The following SLC35B2 variants were observed in gnomAD, a reference collection of about 807,000 sequenced individuals.
SLC35B2 encodes the protein solute carrier family 35 member B2.
SLC35B2 carries 19 observed loss-of-function variants against 37.9 expected under a neutral mutation model. The observed-to-expected ratio is 0.50, with a 90% CI of 0.35 to 0.74. The LOEUF is 0.74. Among genes scored for constraint, SLC35B2 ranks in the 30% least tolerant of loss-of-function variants. The pLI is 0.01. For missense variants in SLC35B2, 633 were observed against 547.6 expected, an observed-to-expected ratio of 1.16 and a Z score of -1.56; for synonymous variants, 277 against 225.2, an observed-to-expected ratio of 1.23 and a Z score of -2.06.
intron 1 of SLC35B2, 90 bp downstream of exon 1, chr6:44,257,310 C>A: frequency 7.8e-7 from 1 of 1,285,196 alleles, no homozygotes; most frequent in Non-Finnish European, 1.0e-6. Flanking sequence ...GCCGAGCAGC[C>A]GGGACCCCAC....
Position 44,257,433 on chromosome 6 carries a change from G to A in SLC35B2, c.-23C>T. 1 of 1,254,428 alleles carries A rather than the reference G, an allele frequency of 8.0e-7. No individual in the cohort carries two copies. Among genetic ancestry groups the A allele is most frequent in the South Asian group, 3.6e-5 (1 of 27,452 alleles). The allele number at this position is 1,254,428 out of a possible 1,614,324, so 77.7% of individuals were successfully genotyped here. A position where few individuals can be genotyped will look rare whatever the true frequency, so the allele number is the denominator to read the frequency against. On this transcript the variant is annotated 5_prime_UTR_variant, in exon 1 of 4. Coordinates refer to ENST00000393812, the MANE Select transcript of SLC35B2 (RefSeq NM_178148.4). ...CATGGTCCAGGCCGCGTGGGGTGGA[G>A]GGGGAACCGGGGAATGCGAGTCCCC...
chr6:44,257,022 T>A, intron 1 of SLC35B2, 144 bp from the exon 2 acceptor site: 1 of 913,512 alleles, frequency 1.1e-6, no homozygotes, highest in South Asian at 1.9e-5. Context: ...CCTCTCTCTC[T>A]CTCTCTCTCT....
chr6:44,257,423 G>C lies in SLC35B2; in HGVS notation c.-13C>G. Reference sequence around the variant, plus strand: ...ACCTGGCGTCCATGGTCCAGGCCGCGTGGGGTGGAGGGGGAACCGGGGAAT... The same window carrying C: ...ACCTGGCGTCCATGGTCCAGGCCGCCTGGGGTGGAGGGGGAACCGGGGAAT... On this transcript the variant is annotated 5_prime_UTR_variant, in exon 1 of 4. Coordinates refer to ENST00000393812, the MANE Select transcript of SLC35B2 (RefSeq NM_178148.4). 7.9e-7 allele frequency: 1 copy of C among 1,261,896 alleles called. No homozygotes were observed. Among genetic ancestry groups the C allele is most frequent in the Non-Finnish European group, 1.0e-6 (1 of 996,218 alleles). The allele number at this position is 1,261,896 out of a possible 1,614,324, so 78.2% of individuals were successfully genotyped here.
chr6:44,256,361 A>C lies in SLC35B2; in HGVS notation c.341T>G (p.Phe114Cys). 1 of 1,613,642 alleles carries C rather than the reference A, an allele frequency of 6.2e-7. No homozygotes were observed. Reference protein sequence around the residue: ...TPMWQALKLLFCATGLQVSYL... With the variant: ...TPMWQALKLLCCATGLQVSYL... Reference sequence around the variant, plus strand: ...ACCCACCTGGAGCCCTGTGGCACAGAAGAGCAGCTTCAGGGCCTGCCACAT... The same window carrying C: ...ACCCACCTGGAGCCCTGTGGCACAGCAGAGCAGCTTCAGGGCCTGCCACAT... The change falls in exon 3 of 4, where the codon TTC becomes TGC. Residue 114 changes from phenylalanine (F) to cysteine (C), a missense_variant. Phe to Cys is a radical substitution (Grantham distance 205). Transcript: ENST00000393812.
intron 3 of SLC35B2, 148 bp from the exon 4 acceptor site, chr6:44,255,792 C>T (rs1583001236): frequency 2.6e-6 from 2 of 761,048 alleles, no homozygotes; most frequent in East Asian, 2.7e-5. Flanking sequence ...TTCTTCTCCC[C>T]TCCTAAGTCT....
chr6:44,255,775 T>C, intron 3 of SLC35B2, 131 bp from the exon 4 acceptor site: 1 of 872,494 alleles, frequency 1.1e-6, no homozygotes, highest in Non-Finnish European at 1.7e-6. Context: ...GGTTCCTCTG[T>C]AGAAGTTTCT....
intron 3 of SLC35B2, among the ~76,000 whole-genome samples, chr6:44,255,895 T>C (rs1020792840): frequency 1.3e-5 from 2 of 150,694 alleles, no homozygotes; most frequent in Non-Finnish European, 3.0e-5. Flanking sequence ...CAACATGATA[T>C]TCAAGGTGGA....
intron 3 of SLC35B2, 21 bp downstream of exon 3, chr6:44,256,321 A>G (rs1380782219): frequency 1.9e-6 from 3 of 1,587,076 alleles, no homozygotes; most frequent in Non-Finnish European, 2.6e-6. Flanking sequence ...CCAGGAAGAG[A>G]GGCTGAGCCC....
Position 44,254,637 on chromosome 6 carries a change from C to T in SLC35B2, c.*69G>A. 6.6e-7 allele frequency: 1 copy of T among 1,509,878 alleles called. No homozygotes were observed. The highest frequency in any genetic ancestry group is 8.9e-7 in the Non-Finnish European group (1 of 1,121,130). The allele number at this position is 1,509,878 out of a possible 1,614,324, so 93.5% of individuals were successfully genotyped here. ...ATTTTGCCCTTTCAGCCAGCTCCCTCAGAGGTTACAGCAGAAGGGGATGGT... is the reference window on the plus strand; with the variant it reads ...ATTTTGCCCTTTCAGCCAGCTCCCTTAGAGGTTACAGCAGAAGGGGATGGT... On this transcript the variant is annotated 3_prime_UTR_variant, in exon 4 of 4. Transcript: ENST00000393812.
chr6:44,256,668 G>T lies in SLC35B2; in HGVS notation c.205+17C>A. ...CTTTCCCGACCTAGCTCACTTCCCC[G>T]CCCTTTCTTCACACACCGGTCTCCA... On this transcript the variant is annotated intron_variant, in intron 2 of 3. Transcript: ENST00000393812. The T allele has an allele frequency of 6.2e-7, 1 of 1,613,732 alleles. No individual in the cohort carries two copies. Among genetic ancestry groups the T allele is most frequent in the African/African-American group, 1.3e-5 (1 of 75,018 alleles).
At position 44,255,129 on chromosome 6, in the gene SLC35B2, CAG is replaced by C. The variant is rs768602464; in HGVS notation, c.874_875del (p.Leu292ValfsTer4). 3.1e-5 allele frequency: 50 copies of C among 1,614,098 alleles called. No individual in the cohort carries two copies. Among genetic ancestry groups the C allele is most frequent in the South Asian group, 3.3e-5 (3 of 91,094 alleles). On this transcript the variant is annotated frameshift_variant, in exon 4 of 4. Coordinates refer to ENST00000393812, the MANE Select transcript of SLC35B2 (RefSeq NM_178148.4). LOFTEE classifies it high-confidence loss of function. ...DSFTSNWQDA[L>X]FAYKMSSVQM... is the part of the protein sequence containing the mutation. The stretch of plus-strand genomic sequence containing the variant: ...GCACCGATGACATCTTATAGGCAAA[CAG>C]GGCATCCTGCCAGTTTGAGGTGAAG...
chr6:44,255,625 C>T lies in SLC35B2; in HGVS notation c.380G>A (p.Gly127Asp). ...GGTCATCACTCTTTCCTGCAGCACA[C>T]CCCAAGTCAGATAAGACACCTGTTG... ...TGLQVSYLTW[G>D]VLQERVMTRS... Residue 127 changes from glycine (G) to aspartate (D), a missense_variant, in exon 4 of 4, where the codon GGT becomes GAT. Physicochemically the swap from Gly to Asp is moderately conservative, Grantham distance 94 (BLOSUM62 -1). Coordinates refer to ENST00000393812, the MANE Select transcript of SLC35B2 (RefSeq NM_178148.4). The T allele has an allele frequency of 6.2e-7, 1 of 1,612,702 alleles. No individual in the cohort carries two copies. Among genetic ancestry groups the T allele is most frequent in the Non-Finnish European group, 8.5e-7 (1 of 1,179,116 alleles).
At position 44,254,753 on chromosome 6, in the gene SLC35B2, GTT is replaced by G. The variant is rs1561906587; in HGVS notation, c.1250_1251del (p.Gln417ProfsTer9). 1 of 1,613,962 alleles carries G rather than the reference GTT, an allele frequency of 6.2e-7. No homozygotes were observed. The highest frequency in any genetic ancestry group is 8.5e-7 in the Non-Finnish European group (1 of 1,179,908). ...LRVYARGRLK[Q>X]RGKKAVPVES... ...TCAACAGGCACAGCCTTCTTTCCCC[GTT>G]GCTTTAGACGGCCCCGCGCGTAGAC... On this transcript the variant is annotated frameshift_variant, in exon 4 of 4. Coordinates refer to ENST00000393812, the MANE Select transcript of SLC35B2 (RefSeq NM_178148.4). LOFTEE classifies it high-confidence loss of function.
At position 44,254,803 on chromosome 6, in the gene SLC35B2, A is replaced by G. The variant is rs1381669095; in HGVS notation, c.1202T>C (p.Val401Ala). The change falls in exon 4 of 4, where the codon GTC (valine) becomes GCC (alanine). Residue 401 changes from valine to alanine, a missense_variant. Transcript: ENST00000393812. Reference protein sequence around the residue: ...TVVGGLGVAVVFAALLLRVYA... With the variant: ...TVVGGLGVAVAFAALLLRVYA... ...GACTCTGAGCAGGAGGGCAGCAAAG[A>G]CCACAGCCACCCCCAGCCCTCCCAC... The G allele has an allele frequency of 6.2e-7, 1 of 1,614,138 alleles. No individual in the cohort carries two copies. Among genetic ancestry groups the G allele is most frequent in the Non-Finnish European group, 8.5e-7 (1 of 1,180,018 alleles).
In SLC35B2 at chr6:44,254,534, G is replaced by A; in HGVS notation, c.*172C>T. Reference sequence around the variant, plus strand: ...GCTTACTGGAAGATGGGTGACTTAAGGCAAAAGGGAAGGCTGCCTCCTGGG... The same window carrying A: ...GCTTACTGGAAGATGGGTGACTTAAAGCAAAAGGGAAGGCTGCCTCCTGGG... On this transcript the variant is annotated 3_prime_UTR_variant, in exon 4 of 4. Coordinates refer to ENST00000393812, the MANE Select transcript of SLC35B2 (RefSeq NM_178148.4). 1 of 724,860 alleles carries A rather than the reference G, an allele frequency of 1.4e-6. No homozygotes were observed. The highest frequency in any genetic ancestry group is 1.8e-5 in the African/African-American group (1 of 56,324). 44.9% of individuals were successfully genotyped at this position (724,860 alleles called of 1,614,324 possible).
chr6:44,257,426 G>T lies in SLC35B2; in HGVS notation c.-16C>A. Reference sequence around the variant, plus strand: ...TGGCGTCCATGGTCCAGGCCGCGTGGGGTGGAGGGGGAACCGGGGAATGCG... The same window carrying T: ...TGGCGTCCATGGTCCAGGCCGCGTGTGGTGGAGGGGGAACCGGGGAATGCG... On this transcript the variant is annotated 5_prime_UTR_variant, in exon 1 of 4. Transcript: ENST00000393812. 1 of 1,257,836 alleles carries T rather than the reference G, an allele frequency of 8.0e-7. No homozygotes were observed. Among genetic ancestry groups the T allele is most frequent in the Non-Finnish European group, 1.0e-6 (1 of 994,106 alleles). The allele number at this position is 1,257,836 out of a possible 1,614,324, so 77.9% of individuals were successfully genotyped here. A position where few individuals can be genotyped will look rare whatever the true frequency, so the allele number is the denominator to read the frequency against.
rs932447113 is a variant in SLC35B2 at position 44,256,761 on chromosome 6, A to G, written c.129T>C (p.Ala43=). ...QLWFFRFVVN[A]AGYASFMVPG... Reference sequence around the variant, plus strand: ...GTACCATAAAGCTGGCATAGCCAGCAGCATTCACCACAAATCGGAAGAACC... The same window carrying G: ...GTACCATAAAGCTGGCATAGCCAGCGGCATTCACCACAAATCGGAAGAACC... Residue 43 remains alanine (A), a synonymous_variant, in exon 2 of 4, where the codon GCT becomes GCC. Coordinates refer to ENST00000393812, the MANE Select transcript of SLC35B2 (RefSeq NM_178148.4). The G allele has an allele frequency of 6.2e-7, 1 of 1,614,114 alleles. No homozygotes were observed. The highest frequency in any genetic ancestry group is 8.5e-7 in the Non-Finnish European group (1 of 1,180,040).
At chr6:44,257,163 C>T in intron 1 of SLC35B2, 1 of 505,410 alleles carries the variant, frequency 2.0e-6, no homozygotes, top group Non-Finnish European at 3.3e-6. Context: ...AGAGGAAGCG[C>T]CCCTTCCCCC....
chr6:44,254,926 C>T lies in SLC35B2; in HGVS notation c.1079G>A (p.Gly360Glu). The T allele has an allele frequency of 6.2e-7, 1 of 1,614,132 alleles. No individual in the cohort carries two copies. Among genetic ancestry groups the T allele is most frequent in the Non-Finnish European group, 8.5e-7 (1 of 1,180,030 alleles). ...CGQLFIFYTI[G>E]QFGAAVFTII... ...GGTGAAGACGGCAGCCCCAAACTGC[C>T]CAATGGTGTAAAAGATGAAGAGCTG... Residue 360 changes from glycine to glutamate, a missense_variant, in exon 4 of 4, where the codon GGG (glycine) becomes GAG (glutamate). By Grantham distance (98) the Gly-to-Glu change is moderately conservative. Coordinates refer to ENST00000393812, the MANE Select transcript of SLC35B2 (RefSeq NM_178148.4).
Sources: gnomAD v4.1 joint callset for allele counts (sites outside exome capture counted in the v4.1 genomes callset) on GRCh38, gnomAD v4.1.1 for gene constraint, MANE v1.5 for transcripts, NCBI Gene and HGNC (gene_info 2026-07-23, HGNC 2026-07-21) for gene names.